The following SH2B3 variants were observed in gnomAD, a reference collection of about 807,000 sequenced individuals.
SH2B3 encodes the protein SH2B adapter protein 3.
A neutral mutation model predicts 51.9 loss-of-function variants in SH2B3; 43 were observed. That is an observed-to-expected ratio of 0.83 (90% CI 0.65 to 1.07). The LOEUF is 1.07. Ranked by LOEUF, SH2B3 falls within the 50% of genes least tolerant of loss-of-function variation. The pLI, the probability that SH2B3 is intolerant of heterozygous loss-of-function variation, is 0.00. For synonymous variants in SH2B3, 396 were observed against 376.0 expected (o/e 1.05, Z -0.62); for missense variants, 952 against 834.3 (o/e 1.14, Z -1.74).
At chr12:111,422,603 C>G (rs1374961217) in intron 2 of SH2B3, among the ~76,000 whole-genome samples, 2 of 151,576 alleles carry the variant, frequency 1.3e-5, no homozygotes, top group Non-Finnish European at 2.9e-5. Context: ...CTCTGTTGCC[C>G]AGGCTGGAGT....
At position 111,418,601 on chromosome 12, in the gene SH2B3, G is replaced by A. The variant is rs1450651193; in HGVS notation, c.456G>A (p.Gly152=). Residue 152 remains glycine (G), a synonymous_variant, in exon 2 of 8, where the codon GGG becomes GGA. Coordinates refer to ENST00000341259, the MANE Select transcript of SH2B3 (RefSeq NM_005475.3). The surrounding 1 kb of genome is among the most constrained non-coding windows in gnomAD (Gnocchi z 6.7). ...ACATCTTCCGCCGCCGCTCGGCCGG[G>A]GAGCTGCCAGCGGCCCACACCGCTG... ...LRHIFRRRSA[G]ELPAAHTAAA... is the part of the protein sequence containing the mutation. The A allele has an allele frequency of 6.0e-6, 9 of 1,493,202 alleles. No individual in the cohort carries two copies. Among genetic ancestry groups the A allele is most frequent in the African/African-American group, 1.5e-5 (1 of 68,518 alleles). 92.5% of individuals were successfully genotyped at this position (1,493,202 alleles called of 1,614,324 possible). A position where few individuals can be genotyped will look rare whatever the true frequency, so the allele number is the denominator to read the frequency against.
At chr12:111,405,123 A>G (rs1423223844), upstream of SH2B3, among the ~76,000 whole-genome samples, 2 of 152,150 alleles carry the variant, frequency 1.3e-5, no homozygotes, top group Admixed American at 1.3e-4. This position sits in a 1 kb window ranked among gnomAD's most constrained non-coding sequence, Gnocchi z 5.4. Flanking sequence ...CGTGGAGAAA[A>G]TGTAAGTAGC....
chr12:111,443,549 T>C (rs1321375371), intron 2 of SH2B3: 2 of 152,228 alleles, frequency 1.3e-5, no homozygotes, highest in Admixed American at 6.5e-5. Flanking sequence ...CCCTGTCTTG[T>C]AATTAGTTAG....
chr12:111,438,148 C>T lies in SH2B3; in HGVS notation c.733-8605C>T, dbSNP rs936116033. 2.0e-5 allele frequency among the ~76,000 whole-genome samples: 3 copies of T among 150,868 alleles called. No individual in the cohort carries two copies. The highest frequency in any genetic ancestry group is 1.3e-4 in the Admixed American group (2 of 15,184). On this transcript the variant is annotated intron_variant, in intron 2 of 7. Transcript: ENST00000341259. This position sits in a 1 kb window ranked among gnomAD's most constrained non-coding sequence, Gnocchi z 4.2. ...GCAGTTTGGGTCAGGCAGGGCATCA[C>T]AAATGCAGGGGCTGGGTGGCAGGGG...
At chr12:111,440,850 C>G (rs1231823886) in intron 2 of SH2B3, among the ~76,000 whole-genome samples, 1 of 152,200 alleles carries the variant, frequency 6.6e-6, no homozygotes, top group Admixed American at 6.5e-5. Context: ...CTTCTTGCTC[C>G]CAAGTCTCTC....
At chr12:111,425,364 T>C (rs1593047338) in intron 2 of SH2B3, among the ~76,000 whole-genome samples, 1 of 151,962 alleles carries the variant, frequency 6.6e-6, no homozygotes, top group Admixed American at 6.6e-5. Context: ...GCGTGGGCCC[T>C]TGGGAGGTGG....
intron 2 of SH2B3, among the ~76,000 whole-genome samples, chr12:111,431,749 T>G (rs767397779): frequency 6.6e-6 from 1 of 152,118 alleles, no homozygotes; most frequent in Non-Finnish European, 1.5e-5. Flanking sequence ...GCATAGACAT[T>G]AGCAGGACAC....
intron 2 of SH2B3, among the ~76,000 whole-genome samples, chr12:111,439,337 C>G (rs914773590): frequency 2.0e-5 from 3 of 152,178 alleles, no homozygotes; most frequent in African/African-American, 7.2e-5. Flanking sequence ...TTAGTAGAGA[C>G]AGAGTTTCTC....
intron 2 of SH2B3, among the ~76,000 whole-genome samples, chr12:111,439,266 C>A (rs994653800): frequency 1.3e-5 from 2 of 152,100 alleles, no homozygotes. Flanking sequence ...TCTCCTGCCT[C>A]AGCCTCCCGA....
At chr12:111,412,619 G>A (rs1231737956) in intron 1 of SH2B3, among the ~76,000 whole-genome samples, 2 of 152,210 alleles carry the variant, frequency 1.3e-5, no homozygotes, top group African/African-American at 4.8e-5. Flanking sequence ...ACTCAGGCTG[G>A]AGTGCAGTGG....
In SH2B3 at chr12:111,446,961, T is replaced by C. The variant is rs925657268; in HGVS notation, c.854T>C (p.Ile285Thr). 3 of 1,613,958 alleles carry C rather than the reference T, an allele frequency of 1.9e-6. No individual in the cohort carries two copies. The highest frequency in any genetic ancestry group is 2.5e-6 in the Non-Finnish European group (3 of 1,179,934). ...TGCCAGGTGAAGGACCGGACAGACA[T>C]CATCTTTGAGGTGGGAGACGAGCAG... Reference protein sequence around the residue: ...FVLKVKDRTDIIFEVGDEQQL... With the variant: ...FVLKVKDRTDTIFEVGDEQQL... The change falls in exon 4 of 8, where the codon ATC (isoleucine) becomes ACC (threonine). Residue 285 changes from isoleucine (I) to threonine (T), a missense_variant. Coordinates refer to ENST00000341259, the MANE Select transcript of SH2B3 (RefSeq NM_005475.3).
chr12:111,428,940 G>A (rs184775076), intron 2 of SH2B3, among the ~76,000 whole-genome samples: 47 of 151,734 alleles, frequency 3.1e-4, no homozygotes, highest in East Asian at 4.0e-4. Context: ...CCATGCCTCC[G>A]GGTGTGGGAA....
At chr12:111,417,469 T>TTTATTTATTTATTTATTTAC (rs1486976022) in intron 1 of SH2B3, among the ~76,000 whole-genome samples, 1 of 151,380 alleles carries the variant, frequency 6.6e-6, no homozygotes, top group East Asian at 1.9e-4. Context: ...ATTTTATTTA[T>TTTATTTATTTATTTATTTAC]TTATTTATTT....
intron 2 of SH2B3, among the ~76,000 whole-genome samples, chr12:111,425,136 C>G (rs570575766): frequency 6.6e-6 from 1 of 151,990 alleles, no homozygotes; most frequent in East Asian, 1.9e-4. Flanking sequence ...GCTGTGTGAC[C>G]GCGGGCCTGT....
intron 2 of SH2B3, among the ~76,000 whole-genome samples, chr12:111,446,153 T>A (rs112093800): frequency 7.2e-5 from 11 of 152,350 alleles, no homozygotes; most frequent in African/African-American, 2.6e-4. Flanking sequence ...CCTGAGCAGA[T>A]TCCCAACCGG....
rs1023492737 is a variant in SH2B3, at chr12:111,407,693, G to A, written c.-28+1416G>A. ...CCCCTCTGGGAGGGAAAATCCTTCT[G>A]AGCCAAAGGGTGAGCATTCCTAGAA... On this transcript the variant is annotated intron_variant, in intron 1 of 7. Coordinates refer to ENST00000341259, the MANE Select transcript of SH2B3 (RefSeq NM_005475.3). The surrounding 1 kb of genome is among the most constrained non-coding windows in gnomAD (Gnocchi z 4.3). Among the ~76,000 whole-genome samples the A allele has an allele frequency of 1.3e-5, 2 of 152,196 alleles. No homozygotes were observed. Among genetic ancestry groups the A allele is most frequent in the Non-Finnish European group, 2.9e-5 (2 of 68,036 alleles).
At chr12:111,423,191 A>G (rs1871697923) in intron 2 of SH2B3, among the ~76,000 whole-genome samples, 1 of 152,156 alleles carries the variant, frequency 6.6e-6, no homozygotes, top group African/African-American at 2.4e-5. Context: ...GACACTGGGA[A>G]CGGGAGGACT....
Position 111,418,368 on chromosome 12 carries a change from T to A in SH2B3, c.223T>A (p.Phe75Ile), listed in dbSNP as rs1276136474. 6.6e-7 allele frequency: 1 copy of A among 1,519,066 alleles called. No homozygotes were observed. Among genetic ancestry groups the A allele is most frequent in the Admixed American group, 2.0e-5 (1 of 49,972 alleles). 94.1% of individuals were successfully genotyped at this position (1,519,066 alleles called of 1,614,324 possible). The stretch of plus-strand genomic sequence containing the variant: ...GTTCACCGACCTCTTCCAGCGCTAC[T>A]TCTGCCGCGAGGTGCGCGACGGACG... ...LQFTDLFQRY[F>I]CREVRDGRAP... The change falls in exon 2 of 8, where the codon TTC (phenylalanine) becomes ATC (isoleucine). Residue 75 changes from phenylalanine to isoleucine, a missense_variant. Coordinates refer to ENST00000341259, the MANE Select transcript of SH2B3 (RefSeq NM_005475.3). The surrounding 1 kb of genome is among the most constrained non-coding windows in gnomAD (Gnocchi z 6.7).
In SH2B3 at chr12:111,447,878, G is replaced by A. The variant is rs370845570; in HGVS notation, c.1408+51G>A. 37 of 1,590,798 alleles carry A rather than the reference G, an allele frequency of 2.3e-5. No homozygotes were observed. In the African/African-American group the frequency reaches 4.0e-4, roughly 17 times the overall value. ...AGGGGGTGGCTGACACTGGGTAGAG[G>A]GTAGAGGCTTGCTGCAGACCCAGGG... On this transcript the variant is annotated intron_variant, in intron 7 of 7. Coordinates refer to ENST00000341259, the MANE Select transcript of SH2B3 (RefSeq NM_005475.3).
Sources: allele counts gnomAD v4.1 joint callset (sites outside exome capture counted in the v4.1 genomes callset), GRCh38; gene constraint gnomAD v4.1.1; non-coding constraint Gnocchi (gnomAD v3.1); transcripts MANE v1.5; gene names NCBI Gene and HGNC (gene_info 2026-07-23, HGNC 2026-07-21).